The following GRM7 variants were observed in gnomAD, a reference collection of about 807,000 sequenced individuals.
GRM7 encodes the protein metabotropic glutamate receptor 7.
In GRM7, 35 loss-of-function variants were observed where a neutral mutation model predicts 84.5. The ratio of observed to expected loss-of-function variants is 0.41; its 90% CI spans 0.32 to 0.55. The LOEUF (loss-of-function observed/expected upper bound fraction) is 0.55. Ranked by LOEUF, GRM7 falls within the 20% of genes least tolerant of loss-of-function variation. The pLI is 0.19. For missense variants in GRM7, 1,003 were observed against 1,194.6 expected (o/e 0.84, Z 2.36); for synonymous variants, 487 against 455.1 (o/e 1.07, Z -0.89).
intron 7 of GRM7, among the ~76,000 whole-genome samples, chr3:7,498,278 C>T (rs1327362530): frequency 6.6e-6 from 1 of 152,110 alleles, no homozygotes; most frequent in Non-Finnish European, 1.5e-5. Context: ...TCCCAAGGGG[C>T]AATAGCCTAC....
At chr3:7,471,552 C>T (rs1043632901) in intron 7 of GRM7, among the ~76,000 whole-genome samples, 7 of 152,126 alleles carry the variant, frequency 4.6e-5, no homozygotes, top group African/African-American at 1.7e-4. Flanking sequence ...CCAGTCTCTT[C>T]TGCCTTTTTT....
chr3:7,613,778 G>T (rs1424733120), intron 8 of GRM7, among the ~76,000 whole-genome samples: 10 of 152,040 alleles, frequency 6.6e-5, no homozygotes, highest in Non-Finnish European at 1.5e-4. Flanking sequence ...CTGACATCAA[G>T]ACCTCACATT....
At chr3:7,080,218 G>T (rs1328074249) in intron 1 of GRM7, among the ~76,000 whole-genome samples, 1 of 151,852 alleles carries the variant, frequency 6.6e-6, no homozygotes, top group African/African-American at 2.4e-5. Flanking sequence ...TAAGTTTCAG[G>T]GACTTTTTCC....
chr3:6,918,928 A>G (rs80038743), intron 1 of GRM7, among the ~76,000 whole-genome samples: 14,496 of 152,234 alleles, frequency 0.095, 798 homozygotes, highest in Non-Finnish European at 0.13. Flanking sequence ...TAAATGAGGG[A>G]ACATATGGGA....
chr3:7,148,277 C>G (rs1033189503), intron 2 of GRM7, among the ~76,000 whole-genome samples: 1 of 151,982 alleles, frequency 6.6e-6, no homozygotes, highest in African/African-American at 2.4e-5. Context: ...AGAAACATAT[C>G]AAAAATTTCA....
intron 2 of GRM7, among the ~76,000 whole-genome samples, chr3:7,185,037 G>A (rs1276904029): frequency 6.6e-6 from 1 of 152,168 alleles, no homozygotes; most frequent in Non-Finnish European, 1.5e-5. Context: ...GGCATTATCA[G>A]CATTTTATAG....
At position 7,579,274 on chromosome 3, in the gene GRM7, A is replaced by G. The variant is rs1167023258; in HGVS notation, c.2368A>G (p.Ile790Val). Residue 790 changes from isoleucine (I) to valine (V), a missense_variant, in exon 8 of 10, where the codon ATT becomes GTT. Physicochemically the swap from Ile to Val is conservative, Grantham distance 29. Around this residue, in one of 2 missense-constraint regions of GRM7, gnomAD observed 910 missense variants for 1,126.0 expected, o/e 0.81. Coordinates refer to ENST00000357716, the MANE Select transcript of GRM7 (RefSeq NM_000844.4). ...CGAGAATTTTAACGAAGCCAAGCCC[A>G]TTGGATTCACTATGTACACGACATG... is the stretch of plus-strand genomic sequence containing the variant. ...VPENFNEAKP[I>V]GFTMYTTCIV... 1.9e-6 allele frequency: 3 copies of G among 1,613,882 alleles called. No individual in the cohort carries two copies. Among genetic ancestry groups the G allele is most frequent in the South Asian group, 2.2e-5 (2 of 91,076 alleles).
At chr3:6,956,042 A>T (rs1693035434) in intron 1 of GRM7, among the ~76,000 whole-genome samples, 1 of 152,208 alleles carries the variant, frequency 6.6e-6, no homozygotes, top group African/African-American at 2.4e-5. Context: ...TAAAGTTATT[A>T]GTAAAGACAA....
In GRM7 at chr3:7,162,729, A is replaced by ATTTTTTTTTTTTTTTTTTTTTTT. The variant is rs71063284; in HGVS notation, c.736+16087_736+16109dup. On this transcript the variant is annotated intron_variant, in intron 2 of 9. Transcript: ENST00000357716. The stretch of plus-strand genomic sequence containing the variant: ...CAATCTCCCATTACTCCCATTTTTC[A>ATTTTTTTTTTTTTTTTTTTTTTT]TTTTTTTTTTTTTTTTTTTTTTTTT... Among the ~76,000 whole-genome samples the ATTTTTTTTTTTTTTTTTTTTTTT allele has an allele frequency of 1.3e-4, 7 of 54,718 alleles. 2 individuals carry two copies. Among genetic ancestry groups the ATTTTTTTTTTTTTTTTTTTTTTT allele is most frequent in the East Asian group, 1.3e-3 (2 of 1,520 alleles). 35.9% of individuals were successfully genotyped at this position (54,718 alleles called of 152,430 possible).
chr3:7,190,660 C>T (rs1457036882), intron 2 of GRM7, among the ~76,000 whole-genome samples: 3 of 152,110 alleles, frequency 2.0e-5, no homozygotes, highest in Non-Finnish European at 4.4e-5. Context: ...TTTGCAAGCA[C>T]ATTACTGTTT....
intron 7 of GRM7, among the ~76,000 whole-genome samples, chr3:7,483,799 T>C (rs566466884): frequency 2.0e-5 from 3 of 152,022 alleles, no homozygotes; most frequent in Admixed American, 2.0e-4. Flanking sequence ...GTATATATGT[T>C]ATATATATTG....
intron 9 of GRM7, among the ~76,000 whole-genome samples, chr3:7,723,840 AC>A (rs1248393982): frequency 6.6e-6 from 1 of 151,950 alleles, no homozygotes; most frequent in Non-Finnish European, 1.5e-5. Context: ...GAGTGAGAGC[AC>A]CCCACCCCAA....
chr3:7,609,987 G>C (rs976974028), intron 8 of GRM7, among the ~76,000 whole-genome samples: 1 of 152,176 alleles, frequency 6.6e-6, no homozygotes, highest in African/African-American at 2.4e-5. Context: ...GTTCTTGGTT[G>C]ACGTGGTTTT....
intron 7 of GRM7, among the ~76,000 whole-genome samples, chr3:7,516,164 CAAAAAAAAAA>C (rs35256206): frequency 3.2e-5 from 1 of 31,430 alleles, no homozygotes; most frequent in Non-Finnish European, 5.7e-5. Flanking sequence ...CACCATATCT[CAAAAAAAAAA>C]AAAAAAAAAA....
chr3:6,994,192 A>G (rs2124862353), intron 1 of GRM7, among the ~76,000 whole-genome samples: 1 of 152,314 alleles, frequency 6.6e-6, no homozygotes, highest in African/African-American at 2.4e-5. Context: ...AAATATTTCT[A>G]AAAAGAATCA....
At chr3:6,898,868 A>G (rs1323564932) in intron 1 of GRM7, among the ~76,000 whole-genome samples, 1 of 152,104 alleles carries the variant, frequency 6.6e-6, no homozygotes, top group Non-Finnish European at 1.5e-5. Flanking sequence ...GCACTGGAGC[A>G]CTGATAAGAC....
intron 1 of GRM7, among the ~76,000 whole-genome samples, chr3:6,967,858 G>GT (rs1187108967): frequency 2.0e-5 from 3 of 152,168 alleles, no homozygotes; most frequent in Non-Finnish European, 4.4e-5. Flanking sequence ...TGCCCTGTGG[G>GT]TGTCCATTCA....
chr3:7,058,202 C>T (rs756953783), intron 1 of GRM7, among the ~76,000 whole-genome samples: 1 of 151,826 alleles, frequency 6.6e-6, no homozygotes, highest in East Asian at 1.9e-4. Flanking sequence ...AGGAAACTAG[C>T]TCCATAAAGT....
At chr3:7,600,740 T>G (rs1467239946) in intron 8 of GRM7, among the ~76,000 whole-genome samples, 1 of 152,162 alleles carries the variant, frequency 6.6e-6, no homozygotes, top group Non-Finnish European at 1.5e-5. Context: ...TATAATTGAG[T>G]GTACAGCATC....
Sources: allele counts gnomAD v4.1 joint callset (sites outside exome capture counted in the v4.1 genomes callset), GRCh38; gene constraint gnomAD v4.1.1; regional missense constraint gnomAD v4.1.1; transcripts MANE v1.5; gene names NCBI Gene and HGNC (gene_info 2026-07-23, HGNC 2026-07-21).